The following TLL1 variants were observed in gnomAD, a reference collection of about 807,000 sequenced individuals.
The protein encoded by TLL1 is tolloid-like protein 1.
In TLL1, 49 loss-of-function variants were observed where a neutral mutation model predicts 128.2. The observed-to-expected ratio is 0.38, with a 90% CI of 0.30 to 0.48. TLL1 has a LOEUF of 0.48. TLL1 is among the 20% of genes least tolerant of loss of function. TLL1 has a pLI of 0.96. For missense variants in TLL1, 1,123 were observed against 1,242.0 expected (o/e 0.90, Z 1.44); for synonymous variants, 454 against 418.8 (o/e 1.08, Z -1.03).
rs1288701291 is a variant in TLL1 at position 165,978,591 on chromosome 4, C to A, written c.170-10790C>A. 4.6e-5 allele frequency among the ~76,000 whole-genome samples: 7 copies of A among 152,116 alleles called. 1 individual carries two copies. The highest frequency in any genetic ancestry group is 1.5e-5 in the Non-Finnish European group (1 of 68,012). On this transcript the variant is annotated intron_variant, in intron 1 of 20. Transcript: ENST00000061240. The stretch of plus-strand genomic sequence containing the variant: ...ATTCTTTTGCTTTTAGGATACATTT[C>A]AATGAGGATATATATATTTAAGTTG...
chr4:165,965,449 A>C (rs184910783), intron 1 of TLL1, among the ~76,000 whole-genome samples: 124 of 152,280 alleles, frequency 8.1e-4, no homozygotes, highest in African/African-American at 2.6e-3. Flanking sequence ...TAAATTGGGC[A>C]CTTTATTTCT....
chr4:165,992,253 G>T (rs914694017), intron 2 of TLL1, among the ~76,000 whole-genome samples: 4 of 151,902 alleles, frequency 2.6e-5, no homozygotes, highest in East Asian at 1.9e-4. Context: ...TTACGTTTTT[G>T]ATTTCTATAA....
At chr4:165,985,861 C>T (rs1327950078) in intron 1 of TLL1, among the ~76,000 whole-genome samples, 4 of 151,938 alleles carry the variant, frequency 2.6e-5, no homozygotes, top group African/African-American at 9.7e-5. Context: ...TTCCCTGTAG[C>T]TTAAAAATTG....
chr4:166,090,204 T>G (rs556188001), intron 18 of TLL1, among the ~76,000 whole-genome samples: 1 of 24,030 alleles, frequency 4.2e-5, no homozygotes, highest in South Asian at 2.3e-3. Context: ...TTTTCTTCTA[T>G]AGACTTAAGT....
chr4:165,891,408 T>C (rs1036595753), intron 1 of TLL1, among the ~76,000 whole-genome samples: 4 of 152,180 alleles, frequency 2.6e-5, no homozygotes, highest in African/African-American at 9.6e-5. Context: ...ATTTTAAACA[T>C]AAGTTCCAAT....
At chr4:166,065,003 A>G (rs1184859404) in intron 15 of TLL1, among the ~76,000 whole-genome samples, 1 of 152,136 alleles carries the variant, frequency 6.6e-6, no homozygotes, top group African/African-American at 2.4e-5. Context: ...GGAAAAGTAT[A>G]TTATGGAAAC....
intron 12 of TLL1, among the ~76,000 whole-genome samples, chr4:166,047,292 G>A (rs1470984266): frequency 6.6e-6 from 1 of 151,588 alleles, no homozygotes; most frequent in East Asian, 1.9e-4. Context: ...AGCCTCCCGA[G>A]TAGCTGGGAC....
chr4:165,971,397 G>T (rs1021369054), intron 1 of TLL1, among the ~76,000 whole-genome samples: 3 of 152,142 alleles, frequency 2.0e-5, no homozygotes, highest in Non-Finnish European at 4.4e-5. Context: ...GATGCCAGAC[G>T]TATTACTCCA....
intron 1 of TLL1, among the ~76,000 whole-genome samples, chr4:165,985,094 G>C (rs1736341530): frequency 6.6e-6 from 1 of 151,924 alleles, no homozygotes; most frequent in East Asian, 1.9e-4. Flanking sequence ...TGGCATTAAG[G>C]ATATTAAGGT....
At position 165,974,914 on chromosome 4, in the gene TLL1, GAGTTCTCAGGGAC is replaced by G. The variant is rs370099889; in HGVS notation, c.170-14456_170-14444del. ...CCTGTGATAGAGATTATTATGTCGG[GAGTTCTCAGGGAC>G]AGTTCTCAGGATCACCACTTGTGAA... On this transcript the variant is annotated intron_variant, in intron 1 of 20. Transcript: ENST00000061240. Among the ~76,000 whole-genome samples the G allele has an allele frequency of 4.3e-3, 653 of 152,278 alleles. 6 individuals are homozygous for G. Among genetic ancestry groups the G allele is most frequent in the African/African-American group, 0.014 (595 of 41,560 alleles).
intron 1 of TLL1, among the ~76,000 whole-genome samples, chr4:165,911,899 A>G (rs1301171011): frequency 6.6e-6 from 1 of 152,118 alleles, no homozygotes; most frequent in African/African-American, 2.4e-5. Flanking sequence ...TTTTTGAGAC[A>G]GAGTCTCGCT....
At chr4:165,986,808 A>G (rs1212542835) in intron 1 of TLL1, among the ~76,000 whole-genome samples, 1 of 152,090 alleles carries the variant, frequency 6.6e-6, no homozygotes, top group East Asian at 1.9e-4. Context: ...ATAAAAAGCC[A>G]TTACAAGAAA....
In TLL1 at chr4:166,043,295, G is replaced by C. The variant is rs138017521; in HGVS notation, c.1400G>C (p.Arg467Pro). The change falls in exon 12 of 21, where the codon CGT becomes CCT. Residue 467 changes from arginine to proline, a missense_variant. Arg to Pro is a moderately radical substitution (Grantham distance 103, BLOSUM62 -2). Transcript: ENST00000061240. Reference sequence around the variant, plus strand: ...TCAGCGATCTGTGGAGGTGAGATACGTAAAAATGAAGGACAGATTCAGTCT... The same window carrying C: ...TCAGCGATCTGTGGAGGTGAGATACCTAAAAATGAAGGACAGATTCAGTCT... ...VYEAICGGEIRKNEGQIQSPN... is the reference protein window; with the variant it reads ...VYEAICGGEIPKNEGQIQSPN... 6 of 1,613,940 alleles carry C rather than the reference G, an allele frequency of 3.7e-6. No individual in the cohort carries two copies. Among genetic ancestry groups the C allele is most frequent in the Non-Finnish European group, 4.2e-6 (5 of 1,179,970 alleles).
At chr4:165,959,492 T>G (rs1734988322) in intron 1 of TLL1, among the ~76,000 whole-genome samples, 1 of 152,116 alleles carries the variant, frequency 6.6e-6, no homozygotes, top group African/African-American at 2.4e-5. Flanking sequence ...GCCAGTTGCA[T>G]CTAATAGACA....
chr4:165,878,261 C>T (rs563639314), intron 1 of TLL1, among the ~76,000 whole-genome samples: 3 of 152,200 alleles, frequency 2.0e-5, no homozygotes, highest in East Asian at 1.9e-4. Flanking sequence ...ATTTCTTAGT[C>T]GGTGCCTCTC....
At chr4:166,075,147 A>C in intron 17 of TLL1, 144 bp downstream of exon 17, 1 of 1,146,398 alleles carries the variant, frequency 8.7e-7, no homozygotes, top group Non-Finnish European at 1.3e-6. Flanking sequence ...ATTCTGTGTA[A>C]TGTCCAAAGA....
Position 165,923,421 on chromosome 4 carries a change from CTTTTTTTTT to C in TLL1, c.169+49365_169+49373del, listed in dbSNP as rs758162016. Among the ~76,000 whole-genome samples the C allele has an allele frequency of 1.9e-3, 135 of 70,852 alleles. 2 individuals are homozygous for C. The Middle Eastern group carries it at 0.035, about 18-fold the overall frequency. The allele number at this position is 70,852 out of a possible 152,430, so 46.5% of individuals were successfully genotyped here. ...AAGTGCATCGGAAATATAGGTATAC[CTTTTTTTTT>C]TTTTTTTTTTTTTTTTGAGACAGAG... is the stretch of plus-strand genomic sequence containing the variant. On this transcript the variant is annotated intron_variant, in intron 1 of 20. Transcript: ENST00000061240.
At chr4:166,088,465 G>C (rs956728322) in intron 18 of TLL1, among the ~76,000 whole-genome samples, 3 of 151,912 alleles carry the variant, frequency 2.0e-5, no homozygotes, top group Non-Finnish European at 4.4e-5. Flanking sequence ...CTCTGTGTGG[G>C]TATCTTTACT....
intron 1 of TLL1, among the ~76,000 whole-genome samples, chr4:165,881,636 C>T (rs1038334222): frequency 3.9e-5 from 6 of 152,116 alleles, no homozygotes; most frequent in Non-Finnish European, 8.8e-5. Flanking sequence ...CCTCCTCCTT[C>T]TTGAGAGCAT....
Sources: gnomAD v4.1 joint callset for allele counts (sites outside exome capture counted in the v4.1 genomes callset) on GRCh38, gnomAD v4.1.1 for gene constraint, MANE v1.5 for transcripts, NCBI Gene and HGNC (gene_info 2026-07-23, HGNC 2026-07-21) for gene names.